ZNF200: variants seen among roughly 807,000 people sequenced by gnomAD.
ZNF200 encodes zinc finger protein 200.
A neutral mutation model predicts 33.6 loss-of-function variants in ZNF200; 35 were observed. That is an observed-to-expected ratio of 1.04 (90% confidence interval 0.80 to 1.38). The LOEUF is 1.38. Ranked by LOEUF, ZNF200 falls within the 40% of genes most tolerant of loss-of-function variation. The pLI, the probability that ZNF200 is intolerant of heterozygous loss-of-function variation, is 0.00. For missense variants in ZNF200, 592 were observed against 470.6 expected (o/e 1.26, Z -2.39); for synonymous variants, 209 against 167.7 (o/e 1.25, Z -1.90).
chr16:3,228,711 A>T (rs1231755040), intron 4 of ZNF200, among the ~76,000 whole-genome samples: 1 of 151,990 alleles, frequency 6.6e-6, no homozygotes, highest in Admixed American at 6.6e-5. Context: ...TATGTTGGAC[A>T]GGCTGGTCTC....
Position 3,224,624 on chromosome 16 carries a change from G to A in ZNF200, c.467-11C>T, listed in dbSNP as rs1958421252. On this transcript the variant is annotated splice_polypyrimidine_tract_variant and intron_variant, in intron 4 of 4. Coordinates refer to ENST00000414144, the MANE Select transcript of ZNF200 (RefSeq NM_198088.3). Reference sequence around the variant, plus strand: ...TACTGCCATTGACTGCTGAAACAAAGAGAGAATTTAACAACTTCTGAGAGA... The same window carrying A: ...TACTGCCATTGACTGCTGAAACAAAAAGAGAATTTAACAACTTCTGAGAGA... 4 of 1,570,652 alleles carry A rather than the reference G, an allele frequency of 2.5e-6. No individual in the cohort carries two copies. Among genetic ancestry groups the A allele is most frequent in the Admixed American group, 3.7e-5 (2 of 53,578 alleles).
intron 1 of ZNF200, 94 bp downstream of exon 1, chr16:3,234,893 G>A (rs557098644): frequency 6.6e-6 from 1 of 152,474 alleles, no homozygotes; most frequent in Admixed American, 6.5e-5. Context: ...GCGCTCACCA[G>A]GCTCCCTACC....
At chr16:3,233,934 G>A in intron 1 of ZNF200, 98 bp from the exon 2 acceptor site, 2 of 841,108 alleles carry the variant, frequency 2.4e-6, no homozygotes, top group Non-Finnish European at 1.7e-6. Context: ...GAGATCTAAA[G>A]AAAACGACAG....
chr16:3,227,817 G>C (rs1391187296), intron 4 of ZNF200: 2 of 152,038 alleles, frequency 1.3e-5, no homozygotes, highest in African/African-American at 4.8e-5. Context: ...CCAAGTCTCG[G>C]ACAATTCTTT....
In ZNF200 at chr16:3,232,858, G is replaced by C. The variant is rs147975246; in HGVS notation, c.314C>G (p.Ser105Cys). The C allele has an allele frequency of 1.1e-4, 173 of 1,613,844 alleles. 3 individuals are homozygous for C. The South Asian group carries it at 1.9e-3, about 17-fold the overall frequency. Residue 105 changes from serine to cysteine, a missense_variant, in exon 3 of 5, where the codon TCT becomes TGT. Physicochemically the swap from Ser to Cys is moderately radical, Grantham distance 112. Coordinates refer to ENST00000414144, the MANE Select transcript of ZNF200 (RefSeq NM_198088.3). ...KGVQKEQETV[S>C]LYLKANPEEL... ...CTCAGGGTTAGCTTTCAAATACAGA[G>C]ACACTGTCTCTTGTTCCTTTTGGAC...
intron 4 of ZNF200, chr16:3,225,456 A>C (rs1958442739): frequency 6.6e-6 from 1 of 152,192 alleles, no homozygotes; most frequent in Non-Finnish European, 1.5e-5. Flanking sequence ...AACAGAAAAA[A>C]GTTTATTATT....
intron 2 of ZNF200, 129 bp downstream of exon 2, chr16:3,233,377 C>T: frequency 7.6e-7 from 1 of 1,311,994 alleles, no homozygotes; most frequent in Non-Finnish European, 1.0e-6. Context: ...CTTCCTCTTT[C>T]CAACACTAGA....
At chr16:3,224,754 A>G (rs1958424726) in intron 4 of ZNF200, 141 bp from the exon 5 acceptor site, 2 of 1,035,368 alleles carry the variant, frequency 1.9e-6, no homozygotes, top group South Asian at 3.4e-5. Flanking sequence ...CTCCTTTTCC[A>G]TACTTATTGA....
In ZNF200 at chr16:3,233,656, C is replaced by T. The variant is rs769350622; in HGVS notation, c.100G>A (p.Asp34Asn). The T allele has an allele frequency of 2.5e-6, 4 of 1,613,790 alleles. No homozygotes were observed. Among genetic ancestry groups the T allele is most frequent in the Non-Finnish European group, 3.4e-6 (4 of 1,179,996 alleles). Residue 34 changes from aspartate (D) to asparagine (N), a missense_variant, in exon 2 of 5, where the codon GAT becomes AAT. Coordinates refer to ENST00000414144, the MANE Select transcript of ZNF200 (RefSeq NM_198088.3). The stretch of plus-strand genomic sequence containing the variant: ...ATGGTCTTGGGCCCGTTAGTGGCAT[C>T]TCGAAGTAGGTCTTGGCCCAGCTTG... ...DSKLGQDLLR[D>N]ATNGPKTIHQ... is the part of the protein sequence containing the mutation.
chr16:3,233,456 C>T (rs781511761), intron 2 of ZNF200, 50 bp downstream of exon 2: 1 of 1,499,564 alleles, frequency 6.7e-7, no homozygotes. Context: ...CTATCTTAGA[C>T]TCCAGTACCT....
Position 3,222,556 on chromosome 16 carries a change from T to C in ZNF200, c.*1336A>G, listed in dbSNP as rs945231901. 3 of 152,076 alleles carry C rather than the reference T, an allele frequency of 2.0e-5. No homozygotes were observed. The highest frequency in any genetic ancestry group is 7.3e-5 in the African/African-American group (3 of 41,362). 9.4% of individuals were successfully genotyped at this position (152,076 alleles called of 1,614,324 possible). ...AAAATTAGAAAAATTTTCACAGGAA[T>C]ATAATACTCTAATAAATAGAAAGGC... On this transcript the variant is annotated 3_prime_UTR_variant, in exon 5 of 5. Transcript: ENST00000414144.
At chr16:3,226,047 C>CTTTTT (rs1178922643) in intron 4 of ZNF200, 1 of 39,496 alleles carries the variant, frequency 2.5e-5, no homozygotes, top group Non-Finnish European at 5.2e-5. Flanking sequence ...ATTATTTTTT[C>CTTTTT]TTTCTTTTTT....
rs781386830 is a variant in ZNF200, at chr16:3,224,512, A to C, written c.568T>G (p.Ser190Ala). 1.9e-6 allele frequency: 3 copies of C among 1,614,182 alleles called. No homozygotes were observed. The highest frequency in any genetic ancestry group is 2.5e-6 in the Non-Finnish European group (3 of 1,180,026). Residue 190 changes from serine (S) to alanine (A), a missense_variant, in exon 5 of 5, where the codon TCC becomes GCC. Physicochemically the swap from Ser to Ala is moderately conservative, Grantham distance 99. Coordinates refer to ENST00000414144, the MANE Select transcript of ZNF200 (RefSeq NM_198088.3). ...TCGGGAGGCTGCTGAGAGACCAAGG[A>C]AGAATCCATTTCATCATCATCTGAA... ...KSSDDDEMDS[S>A]LVSQQPPDNQ...
intron 4 of ZNF200, among the ~76,000 whole-genome samples, chr16:3,228,981 TGA>T (rs1172443912): frequency 1.3e-5 from 2 of 152,028 alleles, no homozygotes; most frequent in South Asian, 2.1e-4. Flanking sequence ...TGAAAATATT[TGA>T]GAGAAAAAAA....
rs1427562672 is a variant in ZNF200, at chr16:3,222,961, A to T, written c.*931T>A. Reference sequence around the variant, plus strand: ...ATGACAGCATAGAGGGGACCTAAGCATATGGTAAGGTTATTGATGAGACAT... The same window carrying T: ...ATGACAGCATAGAGGGGACCTAAGCTTATGGTAAGGTTATTGATGAGACAT... On this transcript the variant is annotated 3_prime_UTR_variant, in exon 5 of 5. Coordinates refer to ENST00000414144, the MANE Select transcript of ZNF200 (RefSeq NM_198088.3). 1 of 152,248 alleles carries T rather than the reference A, an allele frequency of 6.6e-6. No homozygotes were observed. The highest frequency in any genetic ancestry group is 1.9e-4 in the East Asian group (1 of 5,204). The allele number at this position is 152,248 out of a possible 1,614,324, so 9.4% of individuals were successfully genotyped here.
chr16:3,223,692 G>T lies in ZNF200; in HGVS notation c.*200C>A. The T allele has an allele frequency of 1.4e-6, 1 of 740,140 alleles. No homozygotes were observed. The highest frequency in any genetic ancestry group is 2.1e-6 in the Non-Finnish European group (1 of 478,072). 45.8% of individuals were successfully genotyped at this position (740,140 alleles called of 1,614,324 possible). A position where few individuals can be genotyped will look rare whatever the true frequency, so the allele number is the denominator to read the frequency against. ...TTAGTCCAAAAAGCCTAGATGCTGA[G>T]GTATAGCCCTTGAAATGTTTTCTTC... On this transcript the variant is annotated 3_prime_UTR_variant, in exon 5 of 5. Coordinates refer to ENST00000414144, the MANE Select transcript of ZNF200 (RefSeq NM_198088.3).
chr16:3,228,948 T>C (rs1298300558), intron 4 of ZNF200, among the ~76,000 whole-genome samples: 1 of 152,124 alleles, frequency 6.6e-6, no homozygotes, highest in Admixed American at 6.5e-5. Context: ...GTTCTGCATC[T>C]GAGGATTCAA....
chr16:3,226,570 T>A (rs1429444850), intron 4 of ZNF200: 2 of 151,958 alleles, frequency 1.3e-5, no homozygotes, highest in Non-Finnish European at 2.9e-5. Flanking sequence ...TTATGCAAAA[T>A]AATCTACTGG....
rs1958414706 is a variant in ZNF200 at position 3,224,404 on chromosome 16, T to C, written c.676A>G (p.Thr226Ala). The C allele has an allele frequency of 1.9e-6, 3 of 1,614,082 alleles. No individual in the cohort carries two copies. The highest frequency in any genetic ancestry group is 2.5e-6 in the Non-Finnish European group (3 of 1,180,012). Reference protein sequence around the residue: ...RNLLVTIENDTPLEELSKYVD... With the variant: ...RNLLVTIENDAPLEELSKYVD... ...TATTTTGAGAGTTCCTCTAGAGGAG[T>C]ATCATTCTCAATGGTAACTAACAGA... Residue 226 changes from threonine (T) to alanine (A), a missense_variant, in exon 5 of 5, where the codon ACT becomes GCT. Coordinates refer to ENST00000414144, the MANE Select transcript of ZNF200 (RefSeq NM_198088.3).
Sources: allele counts gnomAD v4.1 joint callset (sites outside exome capture counted in the v4.1 genomes callset), GRCh38; gene constraint gnomAD v4.1.1; transcripts MANE v1.5; gene names NCBI Gene and HGNC (gene_info 2026-07-23, HGNC 2026-07-21).